The following PDRG1 variants were observed in gnomAD, a reference collection of about 807,000 sequenced individuals.
PDRG1 encodes p53 and DNA damage-regulated protein 1.
In PDRG1, 14 loss-of-function variants were observed where a neutral mutation model predicts 18.4. That is an observed-to-expected ratio of 0.76 (90% CI 0.50 to 1.19). The LOEUF is 1.19. Ranked by LOEUF, PDRG1 falls within the 50% of genes most tolerant of loss-of-function variation. The probability of loss-of-function intolerance (pLI) is 0.00; values close to 1 mark genes in which losing one functional copy is unlikely to be tolerated. For missense variants in PDRG1, 177 were observed against 160.1 expected, an observed-to-expected ratio of 1.11 and a Z score of -0.57; for synonymous variants, 65 against 60.9, an observed-to-expected ratio of 1.07 and a Z score of -0.31.
chr20:31,947,923 A>G (rs1600645296), intron 3 of PDRG1, among the ~76,000 whole-genome samples: 1 of 152,094 alleles, frequency 6.6e-6, no homozygotes, highest in African/African-American at 2.4e-5. Context: ...TTCATGAGGT[A>G]TGAAGACATC....
At chr20:31,950,051 C>T (rs1476109825) in intron 2 of PDRG1, among the ~76,000 whole-genome samples, 2 of 152,196 alleles carry the variant, frequency 1.3e-5, no homozygotes, top group East Asian at 3.8e-4. Flanking sequence ...TATACACCCC[C>T]GGCACTCTCT....
In PDRG1 at chr20:31,951,900, T is replaced by C. The variant is rs1600647387; in HGVS notation, c.62A>G (p.Glu21Gly). 1.3e-6 allele frequency: 2 copies of C among 1,589,684 alleles called. No homozygotes were observed. Among genetic ancestry groups the C allele is most frequent in the Middle Eastern group, 1.7e-4 (1 of 5,838 alleles). ...RYLVEVEELA[E>G]EVLADKRQIV... The stretch of plus-strand genomic sequence containing the variant: ...CTGCCGCTTGTCCGCCAGCACCTCC[T>C]CGGCGAGCTCCTCCACTTCTACAAG... Residue 21 changes from glutamate (E) to glycine (G), a missense_variant, in exon 1 of 5, where the codon GAG (glutamate) becomes GGG (glycine). Coordinates refer to ENST00000202017, the MANE Select transcript of PDRG1 (RefSeq NM_030815.3).
intron 2 of PDRG1, among the ~76,000 whole-genome samples, chr20:31,949,611 G>A (rs1053438873): frequency 1.3e-5 from 2 of 151,710 alleles, no homozygotes; most frequent in African/African-American, 4.8e-5. Context: ...GAACAGCAAG[G>A]AGACCAGTGT....
At chr20:31,948,936 C>G in intron 2 of PDRG1, 54 bp from the exon 3 acceptor site, 3 of 1,526,184 alleles carry the variant, frequency 2.0e-6, no homozygotes, top group Non-Finnish European at 2.7e-6. Flanking sequence ...TACCTATTAT[C>G]TGCCAGGCAT....
At position 31,944,646 on chromosome 20, in the gene PDRG1, G is replaced by C. The variant is rs1181690988; in HGVS notation, c.*1161C>G. On this transcript the variant is annotated 3_prime_UTR_variant, in exon 5 of 5. Transcript: ENST00000202017. Reference sequence around the variant, plus strand: ...GCTAACACCTGTGACCCACACTCATGTTTTAAAAGTTTCTGCATTAGTCAA... The same window carrying C: ...GCTAACACCTGTGACCCACACTCATCTTTTAAAAGTTTCTGCATTAGTCAA... 1 of 152,198 alleles carries C rather than the reference G, an allele frequency of 6.6e-6. No individual in the cohort carries two copies. Among genetic ancestry groups the C allele is most frequent in the African/African-American group, 2.4e-5 (1 of 41,434 alleles). The allele number at this position is 152,198 out of a possible 1,614,324, so 9.4% of individuals were successfully genotyped here. A position where few individuals can be genotyped will look rare whatever the true frequency, so the allele number is the denominator to read the frequency against.
rs770691271 is a variant in PDRG1 at position 31,951,868 on chromosome 20, C to G, written c.87+7G>C. 5.7e-6 allele frequency: 9 copies of G among 1,574,312 alleles called. No individual in the cohort carries two copies. The highest frequency in any genetic ancestry group is 7.7e-6 in the Non-Finnish European group (9 of 1,162,510). On this transcript the variant is annotated splice_region_variant and intron_variant, in intron 1 of 4. Coordinates refer to ENST00000202017, the MANE Select transcript of PDRG1 (RefSeq NM_030815.3). ...CCAGGCCCCAGCGCCGCGGAGGGGC[C>G]TCTCACCTGCCGCTTGTCCGCCAGC...
At chr20:31,946,416 G>C in intron 4 of PDRG1, 80 bp downstream of exon 4, 1 of 1,341,138 alleles carries the variant, frequency 7.5e-7, no homozygotes. Flanking sequence ...TCTGAGGGTC[G>C]GACTTCCCAT....
At position 31,952,017 on chromosome 20, in the gene PDRG1, C is replaced by T. The variant is rs373976292; in HGVS notation, c.-56G>A. 3.1e-4 allele frequency: 466 copies of T among 1,486,526 alleles called. 1 individual carries two copies. In the African/African-American group the frequency reaches 6.3e-3, roughly 20 times the overall value. 92.1% of individuals were successfully genotyped at this position (1,486,526 alleles called of 1,614,324 possible). On this transcript the variant is annotated 5_prime_UTR_variant, in exon 1 of 5. Transcript: ENST00000202017. ...CGCGACCCCGGGATCTCCGCTTCGA[C>T]TCCCGCTGCGCACGCGCCGCTCTCT... is the stretch of plus-strand genomic sequence containing the variant.
rs1264349675 is a variant in PDRG1 at position 31,951,891 on chromosome 20, A to G, written c.71T>C (p.Leu24Pro). ...VEVEELAEEV[L>P]ADKRQIVDLD... is the part of the protein sequence containing the mutation. ...GCCTCTCACCTGCCGCTTGTCCGCCAGCACCTCCTCGGCGAGCTCCTCCAC... is the reference window on the plus strand; with the variant it reads ...GCCTCTCACCTGCCGCTTGTCCGCCGGCACCTCCTCGGCGAGCTCCTCCAC... Residue 24 changes from leucine to proline, a missense_variant, in exon 1 of 5, where the codon CTG becomes CCG. Physicochemically the swap from Leu to Pro is moderately conservative, Grantham distance 98. Coordinates refer to ENST00000202017, the MANE Select transcript of PDRG1 (RefSeq NM_030815.3). The G allele has an allele frequency of 1.9e-6, 3 of 1,588,078 alleles. No individual in the cohort carries two copies.
At chr20:31,950,855 G>C (rs2064347437) in intron 1 of PDRG1, among the ~76,000 whole-genome samples, 1 of 152,160 alleles carries the variant, frequency 6.6e-6, no homozygotes, top group African/African-American at 2.4e-5. Flanking sequence ...CTAAGGAAGT[G>C]ACGCAGTAGT....
chr20:31,945,582 T>G lies in PDRG1; in HGVS notation c.*225A>C, dbSNP rs2064309753. On this transcript the variant is annotated 3_prime_UTR_variant, in exon 5 of 5. Transcript: ENST00000202017. ...GCTACCAAGGCCCGTCAATAGATCT[T>G]GTGTCCACCGAGCCCTGGTGTCCAG... 4.2e-6 allele frequency: 2 copies of G among 473,764 alleles called. No homozygotes were observed. The highest frequency in any genetic ancestry group is 3.8e-5 in the Admixed American group (1 of 26,318). 29.3% of individuals were successfully genotyped at this position (473,764 alleles called of 1,614,324 possible). A position where few individuals can be genotyped will look rare whatever the true frequency, so the allele number is the denominator to read the frequency against.
intron 4 of PDRG1, among the ~76,000 whole-genome samples, chr20:31,946,253 A>G (rs1176864022): frequency 6.6e-6 from 1 of 152,100 alleles, no homozygotes; most frequent in East Asian, 1.9e-4. Flanking sequence ...ATAACGTGAG[A>G]TCACCCCAAG....
chr20:31,946,543 A>G lies in PDRG1; in HGVS notation c.272T>C (p.Leu91Pro). 1 of 1,613,544 alleles carries G rather than the reference A, an allele frequency of 6.2e-7. No individual in the cohort carries two copies. Among genetic ancestry groups the G allele is most frequent in the Non-Finnish European group, 8.5e-7 (1 of 1,179,474 alleles). The change falls in exon 4 of 5, where the codon CTG (leucine) becomes CCG (proline). Residue 91 changes from leucine (L) to proline (P), a missense_variant. Leu to Pro is a moderately conservative substitution (Grantham distance 98). Transcript: ENST00000202017. ...QDHLDKEIEK[L>P]RKQLKVKVNR... ...GACCTTCACTTTAAGTTGCTTCCGC[A>G]GTTTTTCTATTTCTTTATCCAGATG...
At chr20:31,946,454 A>C in intron 4 of PDRG1, 42 bp downstream of exon 4, 1 of 1,510,928 alleles carries the variant, frequency 6.6e-7, no homozygotes, top group Non-Finnish European at 9.2e-7. Context: ...CATGCTGATG[A>C]TTCCCTCCCC....
At chr20:31,950,662 A>G (rs2064346403) in intron 1 of PDRG1, among the ~76,000 whole-genome samples, 1 of 152,230 alleles carries the variant, frequency 6.6e-6, no homozygotes, top group Non-Finnish European at 1.5e-5. Flanking sequence ...ACTTTAGGGC[A>G]TATCAGAATC....
chr20:31,951,516 G>A (rs2064351904), intron 1 of PDRG1, among the ~76,000 whole-genome samples: 1 of 152,104 alleles, frequency 6.6e-6, no homozygotes, highest in African/African-American at 2.4e-5. Flanking sequence ...CCCCTGCCCG[G>A]TCACAAGGCC....
Position 31,945,902 on chromosome 20 carries a change from A to C in PDRG1, c.320-13T>G, listed in dbSNP as rs780225334. 6.2e-7 allele frequency: 1 copy of C among 1,610,146 alleles called. No individual in the cohort carries two copies. The highest frequency in any genetic ancestry group is 8.5e-7 in the Non-Finnish European group (1 of 1,177,278). ...AGCTCCGGTTTGCCTAGGAGAGAAGATGATCCATCAGCACGTCGGGCCTCC... is the reference window on the plus strand; with the variant it reads ...AGCTCCGGTTTGCCTAGGAGAGAAGCTGATCCATCAGCACGTCGGGCCTCC... On this transcript the variant is annotated splice_polypyrimidine_tract_variant and intron_variant, in intron 4 of 4. Coordinates refer to ENST00000202017, the MANE Select transcript of PDRG1 (RefSeq NM_030815.3).
intron 3 of PDRG1, among the ~76,000 whole-genome samples, chr20:31,947,267 G>T (rs1390191361): frequency 6.6e-6 from 1 of 152,208 alleles, no homozygotes; most frequent in Admixed American, 6.5e-5. Flanking sequence ...TCTTTCAGAT[G>T]GGGGAGAAAC....
At chr20:31,949,747 G>C (rs909787105) in intron 2 of PDRG1, among the ~76,000 whole-genome samples, 2 of 151,998 alleles carry the variant, frequency 1.3e-5, no homozygotes, top group Non-Finnish European at 2.9e-5. Context: ...AGAAGCAACT[G>C]GAAGATTCTG....
Sources: allele counts gnomAD v4.1 joint callset (sites outside exome capture counted in the v4.1 genomes callset), GRCh38; gene constraint gnomAD v4.1.1; transcripts MANE v1.5; gene names NCBI Gene and HGNC (gene_info 2026-07-23, HGNC 2026-07-21).